The following OSBPL10 variants were observed in gnomAD, a reference collection of about 807,000 sequenced individuals.
OSBPL10 encodes the protein oxysterol-binding protein-related protein 10.
OSBPL10 carries 49 observed loss-of-function variants against 81.7 expected under a neutral mutation model. That is an observed-to-expected ratio of 0.60 (90% confidence interval 0.48 to 0.76). OSBPL10 has a LOEUF of 0.76. OSBPL10 is among the 30% of genes least tolerant of loss of function. OSBPL10 has a pLI of 0.00. For synonymous variants in OSBPL10, 419 were observed against 383.6 expected, an observed-to-expected ratio of 1.09 and a Z score of -1.08; for missense variants, 923 against 987.8, an observed-to-expected ratio of 0.93 and a Z score of 0.88.
chr3:31,900,566 A>G (rs997067001), intron 1 of OSBPL10, among the ~76,000 whole-genome samples: 3 of 152,196 alleles, frequency 2.0e-5, no homozygotes, highest in Admixed American at 2.0e-4. Flanking sequence ...GGAAAATTAC[A>G]TGATTTAGGG....
intron 1 of OSBPL10, among the ~76,000 whole-genome samples, chr3:31,886,201 T>G (rs1421102211): frequency 6.6e-6 from 1 of 152,088 alleles, no homozygotes; most frequent in Admixed American, 6.6e-5. Flanking sequence ...TCATTTCATC[T>G]AAATTTAAAA....
At chr3:31,993,537 G>A (rs1410634671) in intron 2 of OSBPL10, among the ~76,000 whole-genome samples, 1 of 152,156 alleles carries the variant, frequency 6.6e-6, no homozygotes, top group African/African-American at 2.4e-5. Context: ...CACAAAAAAT[G>A]TGAGCATTCA....
intron 7 of OSBPL10, among the ~76,000 whole-genome samples, chr3:31,687,711 ATCT>A (rs759887779): frequency 1.6e-4 from 25 of 152,050 alleles, no homozygotes; most frequent in Non-Finnish European, 1.6e-4. Context: ...TAACAAGAAC[ATCT>A]TCTCTCAGTG....
chr3:31,980,341 G>A (rs1302234368), intron 1 of OSBPL10, among the ~76,000 whole-genome samples: 4 of 152,166 alleles, frequency 2.6e-5, no homozygotes, highest in Admixed American at 2.0e-4. Flanking sequence ...ACAAACATCG[G>A]AGGCTGCAAG....
rs142840420 is a variant in OSBPL10, at chr3:31,907,619, C to CAAAAAAAAAAAA, written c.282-27801_282-27790dup. Among the ~76,000 whole-genome samples the CAAAAAAAAAAAA allele has an allele frequency of 7.5e-4, 48 of 63,870 alleles. 6 individuals carry two copies. The highest frequency in any genetic ancestry group is 3.0e-3 in the African/African-American group (43 of 14,444). 41.9% of individuals were successfully genotyped at this position (63,870 alleles called of 152,430 possible). A position where few individuals can be genotyped will look rare whatever the true frequency, so the allele number is the denominator to read the frequency against. Reference sequence around the variant, plus strand: ...TCCAGCCTGGGTGAGACCTCCATCTCAAAAAAAAAAAAAAAAAAAAAAAAA... The same window carrying CAAAAAAAAAAAA: ...TCCAGCCTGGGTGAGACCTCCATCTCAAAAAAAAAAAAAAAAAAAAAAAAAAAAAAAAAAAAA... On this transcript the variant is annotated intron_variant, in intron 1 of 11. Coordinates refer to ENST00000396556, the MANE Select transcript of OSBPL10 (RefSeq NM_017784.5).
At chr3:31,674,569 G>A (rs1273874425) in intron 8 of OSBPL10, among the ~76,000 whole-genome samples, 4 of 148,830 alleles carry the variant, frequency 2.7e-5, no homozygotes, top group African/African-American at 9.9e-5. Context: ...CAAATAGATA[G>A]ACAGATAGAT....
At chr3:32,025,864 C>A (rs1322226476) in intron 2 of OSBPL10, among the ~76,000 whole-genome samples, 3 of 152,236 alleles carry the variant, frequency 2.0e-5, no homozygotes, top group Non-Finnish European at 4.4e-5. Context: ...TCTAGCAGAG[C>A]CATCAGGCTT....
intron 1 of OSBPL10, among the ~76,000 whole-genome samples, chr3:31,980,336 C>T (rs1267944444): frequency 6.6e-6 from 1 of 152,202 alleles, no homozygotes; most frequent in African/African-American, 2.4e-5. Flanking sequence ...CCATTACAAA[C>T]ATCGGAGGCT....
At chr3:31,719,353 A>C (rs1696560134) in intron 6 of OSBPL10, among the ~76,000 whole-genome samples, 1 of 152,216 alleles carries the variant, frequency 6.6e-6, no homozygotes. Context: ...ATATTAAAAG[A>C]ATTCTTAGAA....
At chr3:31,793,713 G>C (rs1699095104) in intron 4 of OSBPL10, among the ~76,000 whole-genome samples, 1 of 152,150 alleles carries the variant, frequency 6.6e-6, no homozygotes, top group African/African-American at 2.4e-5. Flanking sequence ...ATTAAATTTG[G>C]ACTCATGAGA....
chr3:31,688,548 C>A (rs1411204539), intron 7 of OSBPL10, among the ~76,000 whole-genome samples: 1 of 152,116 alleles, frequency 6.6e-6, no homozygotes, highest in Admixed American at 6.5e-5. Flanking sequence ...TGGATAGACA[C>A]CTGACTCCTT....
At chr3:31,878,723 T>A (rs939766828) in intron 2 of OSBPL10, among the ~76,000 whole-genome samples, 3 of 151,936 alleles carry the variant, frequency 2.0e-5, no homozygotes, top group Admixed American at 6.6e-5. Context: ...AAATGTTACA[T>A]TAAAAAAGGC....
chr3:31,667,695 A>G (rs1171787898), intron 10 of OSBPL10, among the ~76,000 whole-genome samples: 1 of 152,254 alleles, frequency 6.6e-6, no homozygotes, highest in Non-Finnish European at 1.5e-5. Flanking sequence ...TGCAGGCCAT[A>G]TGGTCTTGGT....
At chr3:31,772,758 A>G (rs753817942) in intron 4 of OSBPL10, among the ~76,000 whole-genome samples, 2 of 152,230 alleles carry the variant, frequency 1.3e-5, no homozygotes, top group Non-Finnish European at 2.9e-5. Context: ...AAATGACCAC[A>G]AAAGCACTGC....
intron 4 of OSBPL10, among the ~76,000 whole-genome samples, chr3:31,780,109 G>A (rs1006660486): frequency 2.6e-5 from 4 of 152,080 alleles, no homozygotes; most frequent in Non-Finnish European, 4.4e-5. Context: ...TGGCTAACAC[G>A]GTGAAACCCC....
rs116889786 is a variant in OSBPL10, at chr3:31,666,226, C to T, written c.2097-1994G>A. Among the ~76,000 whole-genome samples the T allele has an allele frequency of 4.8e-4, 73 of 152,276 alleles. No homozygotes were observed. The East Asian group carries it at 0.011, about 22-fold the overall frequency. On this transcript the variant is annotated intron_variant, in intron 10 of 11. Transcript: ENST00000396556. ...TGGCTCTGCCTTAAGTCATTGGGCC[C>T]CTGAGGGCTCTGGCCAAGGCAGAGT...
chr3:31,857,968 C>T (rs186387764), intron 3 of OSBPL10, among the ~76,000 whole-genome samples: 1 of 147,970 alleles, frequency 6.8e-6, no homozygotes, highest in Non-Finnish European at 1.5e-5. Context: ...GTTGGTTGTT[C>T]CTATCATGGT....
In OSBPL10 at chr3:31,934,053, G is replaced by A. The variant is rs180728728; in HGVS notation, c.281+46846C>T. ...TTGTACTGTAAAGAAGGCATGAATAGGCTAATGAAAACCACCTCTGTTTAA... is the reference window on the plus strand; with the variant it reads ...TTGTACTGTAAAGAAGGCATGAATAAGCTAATGAAAACCACCTCTGTTTAA... On this transcript the variant is annotated intron_variant, in intron 1 of 11. Coordinates refer to ENST00000396556, the MANE Select transcript of OSBPL10 (RefSeq NM_017784.5). Among the ~76,000 whole-genome samples, 22 of 149,558 alleles carry A rather than the reference G, an allele frequency of 1.5e-4. No individual in the cohort carries two copies. The East Asian group carries it at 4.1e-3, about 28-fold the overall frequency.
At chr3:31,823,008 A>T (rs1305169111) in intron 4 of OSBPL10, among the ~76,000 whole-genome samples, 1 of 152,084 alleles carries the variant, frequency 6.6e-6, no homozygotes, top group Non-Finnish European at 1.5e-5. Context: ...GAGAGGATCA[A>T]ATTAATTTTT....
Sources: gnomAD v4.1 joint callset for allele counts (sites outside exome capture counted in the v4.1 genomes callset) on GRCh38, gnomAD v4.1.1 for gene constraint, MANE v1.5 for transcripts, NCBI Gene and HGNC (gene_info 2026-07-23, HGNC 2026-07-21) for gene names.